GSG1L: variants seen among roughly 807,000 people sequenced by gnomAD.
GSG1L encodes germ cell-specific gene 1-like protein.
In GSG1L, 24 loss-of-function variants were observed where a neutral mutation model predicts 42.1. The observed-to-expected ratio is 0.57, with a 90% CI of 0.41 to 0.80. GSG1L has a LOEUF of 0.80. Among genes scored for constraint, GSG1L ranks in the 30% least tolerant of loss-of-function variants. The probability of loss-of-function intolerance (pLI) is 0.00; values close to 1 mark genes in which losing one functional copy is unlikely to be tolerated. For missense variants in GSG1L, 445 were observed against 472.2 expected (o/e 0.94, Z 0.53); for synonymous variants, 215 against 203.5 (o/e 1.06, Z -0.48).
chr16:27,936,000 C>T (rs1048118026), intron 2 of GSG1L, among the ~76,000 whole-genome samples: 1 of 151,040 alleles, frequency 6.6e-6, no homozygotes, highest in South Asian at 2.1e-4. Flanking sequence ...AGGACAACTA[C>T]ACCAAAATCT....
intron 1 of GSG1L, among the ~76,000 whole-genome samples, chr16:28,012,729 A>G (rs1237343519): frequency 1.3e-5 from 2 of 151,996 alleles, no homozygotes; most frequent in South Asian, 2.1e-4. Context: ...CTATGAAAAA[A>G]TTTTTAAAAT....
chr16:27,947,692 T>C (rs2084900457), intron 2 of GSG1L, among the ~76,000 whole-genome samples: 1 of 152,108 alleles, frequency 6.6e-6, no homozygotes, highest in Non-Finnish European at 1.5e-5. Flanking sequence ...ACTGTATATG[T>C]CAGGGTCGGG....
At position 27,828,713 on chromosome 16, in the gene GSG1L, G is replaced by A. The variant is rs940084800; in HGVS notation, c.830+76C>T. On this transcript the variant is annotated intron_variant, in intron 5 of 6. Coordinates refer to ENST00000447459, the MANE Select transcript of GSG1L (RefSeq NM_001109763.2). ...CCATTCATTCCAGTTTTTGACTGGG[G>A]CCCGGTGGCCACTGAGGCCAGGCCG... 17 of 1,420,982 alleles carry A rather than the reference G, an allele frequency of 1.2e-5. No homozygotes were observed. In the African/African-American group the frequency reaches 2.3e-4, roughly 19 times the overall value. The allele number at this position is 1,420,982 out of a possible 1,614,324, so 88.0% of individuals were successfully genotyped here. A position where few individuals can be genotyped will look rare whatever the true frequency, so the allele number is the denominator to read the frequency against.
At chr16:28,047,662 T>A (rs532903782) in intron 1 of GSG1L, among the ~76,000 whole-genome samples, 1 of 152,144 alleles carries the variant, frequency 6.6e-6, no homozygotes, top group South Asian at 2.1e-4. Flanking sequence ...TATTAAAATA[T>A]GAAAAAAATA....
intron 2 of GSG1L, among the ~76,000 whole-genome samples, chr16:27,944,940 C>G (rs12921557): frequency 0.41 from 61,914 of 150,840 alleles, 12,930 homozygotes; most frequent in African/African-American, 0.47. Context: ...AGACGGGCAT[C>G]GTGGCGTGTA....
intron 4 of GSG1L, among the ~76,000 whole-genome samples, chr16:27,831,343 A>G (rs2083272500): frequency 6.6e-6 from 1 of 151,956 alleles, no homozygotes; most frequent in South Asian, 2.1e-4. Flanking sequence ...TTTTTCCTTG[A>G]TTTTTTTCTA....
Position 27,884,730 on chromosome 16 carries a change from C to T in GSG1L, c.398-92G>A. On this transcript the variant is annotated intron_variant, in intron 2 of 6. Transcript: ENST00000447459. This position sits in a 1 kb window ranked among gnomAD's most constrained non-coding sequence, Gnocchi z 4.4. ...TTCCTCCCACAACAGCAGAGGGTAG[C>T]AAGTCATTCTAGAATAGAACCTGGT... 7.8e-7 allele frequency: 1 copy of T among 1,281,654 alleles called. No homozygotes were observed. Among genetic ancestry groups the T allele is most frequent in the South Asian group, 1.5e-5 (1 of 67,266 alleles). The allele number at this position is 1,281,654 out of a possible 1,614,324, so 79.4% of individuals were successfully genotyped here. A position where few individuals can be genotyped will look rare whatever the true frequency, so the allele number is the denominator to read the frequency against.
intron 1 of GSG1L, among the ~76,000 whole-genome samples, chr16:28,042,481 C>T (rs1567566861): frequency 6.7e-6 from 1 of 149,174 alleles, no homozygotes; most frequent in Admixed American, 6.7e-5. Flanking sequence ...ATCCCAACAA[C>T]AGAGAAATCC....
intron 5 of GSG1L, among the ~76,000 whole-genome samples, chr16:27,812,494 G>T (rs900955140): frequency 1.3e-5 from 2 of 152,216 alleles, no homozygotes; most frequent in Non-Finnish European, 2.9e-5. Context: ...AAACAAATGG[G>T]TGTGGACAGT....
intron 3 of GSG1L, among the ~76,000 whole-genome samples, chr16:27,857,525 T>TG (rs1355718615): frequency 6.6e-6 from 1 of 151,786 alleles, no homozygotes; most frequent in Non-Finnish European, 1.5e-5. Flanking sequence ...GAGGATCACT[T>TG]GAGGCCAGGG....
chr16:28,021,864 G>A (rs1420365440), intron 1 of GSG1L, among the ~76,000 whole-genome samples: 1 of 152,138 alleles, frequency 6.6e-6, no homozygotes, highest in African/African-American at 2.4e-5. Flanking sequence ...GCCCAGCTGG[G>A]GTTGGCACCT....
chr16:27,948,929 T>TTATTATTATTATTATTATTAC, intron 2 of GSG1L, among the ~76,000 whole-genome samples: 1 of 150,200 alleles, frequency 6.7e-6, no homozygotes, highest in South Asian at 2.1e-4. Flanking sequence ...ATTATTATTA[T>TTATTATTATTATTATTATTAC]TATTTTGAGA....
chr16:27,862,664 T>C (rs769512494), intron 3 of GSG1L, among the ~76,000 whole-genome samples: 1 of 152,232 alleles, frequency 6.6e-6, no homozygotes, highest in African/African-American at 2.4e-5. Context: ...GGGGGAGCCA[T>C]GCCCATGGCC....
At chr16:27,878,642 GC>G (rs2083916496) in intron 3 of GSG1L, among the ~76,000 whole-genome samples, 1 of 152,122 alleles carries the variant, frequency 6.6e-6, no homozygotes, top group Non-Finnish European at 1.5e-5. Flanking sequence ...TCACTATGTT[GC>G]CCAGGCTGAT....
chr16:27,869,190 C>G (rs562699654), intron 3 of GSG1L, among the ~76,000 whole-genome samples: 6 of 147,276 alleles, frequency 4.1e-5, no homozygotes, highest in Non-Finnish European at 5.9e-5. Flanking sequence ...CTTCCTTGGA[C>G]GGGTAAGAAA....
At chr16:27,893,955 G>A (rs1292022563) in intron 2 of GSG1L, among the ~76,000 whole-genome samples, 1 of 152,198 alleles carries the variant, frequency 6.6e-6, no homozygotes, top group East Asian at 1.9e-4. Flanking sequence ...GTCGCACCCT[G>A]TTGCCCAGGC....
intron 2 of GSG1L, among the ~76,000 whole-genome samples, chr16:27,955,942 AAGGG>A (rs1567533967): frequency 7.4e-4 from 111 of 149,438 alleles, no homozygotes; most frequent in African/African-American, 2.7e-3. Flanking sequence ...GGAAGGAAGG[AAGGG>A]AGGAAGGAAG....
At chr16:28,043,651 CA>C (rs1365417492) in intron 1 of GSG1L, among the ~76,000 whole-genome samples, 1 of 152,206 alleles carries the variant, frequency 6.6e-6, no homozygotes, top group East Asian at 1.9e-4. Context: ...CTGACAACAT[CA>C]AATGCTGGCA....
At chr16:27,796,167 C>T (rs562952393) in intron 6 of GSG1L, among the ~76,000 whole-genome samples, 1 of 152,184 alleles carries the variant, frequency 6.6e-6, no homozygotes, top group Non-Finnish European at 1.5e-5. Flanking sequence ...CAGGGAAGTT[C>T]CTTCCGGCCA....
Sources: gnomAD v4.1 joint callset for allele counts (sites outside exome capture counted in the v4.1 genomes callset) on GRCh38, gnomAD v4.1.1 for gene constraint, Gnocchi (gnomAD v3.1) non-coding constraint, MANE v1.5 for transcripts, NCBI Gene and HGNC (gene_info 2026-07-23, HGNC 2026-07-21) for gene names.